MIOS: variants seen among roughly 807,000 people sequenced by gnomAD.
The protein encoded by MIOS is GATOR2 complex protein MIOS.
A neutral mutation model predicts 96.9 loss-of-function variants in MIOS; 52 were observed. The ratio of observed to expected loss-of-function variants is 0.54; its 90% CI spans 0.43 to 0.68. MIOS has a LOEUF of 0.68. Among genes scored for constraint, MIOS ranks in the 30% least tolerant of loss-of-function variants. MIOS has a pLI of 0.00. For missense variants in MIOS, 1,005 were observed against 1,052.8 expected (o/e 0.95, Z 0.63); for synonymous variants, 397 against 359.5 (o/e 1.10, Z -1.18).
At chr7:7,581,172 A>G (rs1198358356) in intron 5 of MIOS, among the ~76,000 whole-genome samples, 1 of 151,372 alleles carries the variant, frequency 6.6e-6, no homozygotes, top group African/African-American at 2.4e-5. Context: ...AAATACAAAA[A>G]TTAGCCGGGT....
At chr7:7,593,879 C>CAA (rs35986278) in intron 9 of MIOS, among the ~76,000 whole-genome samples, 2,076 of 47,410 alleles carry the variant, frequency 0.044, 137 homozygotes, top group African/African-American at 0.13. Flanking sequence ...ACTCTGTCTC[C>CAA]AAAAAAAAAA....
chr7:7,582,017 C>T (rs957331472), intron 5 of MIOS, among the ~76,000 whole-genome samples: 3 of 2,108 alleles, frequency 1.4e-3, no homozygotes, highest in African/African-American at 6.0e-3. Flanking sequence ...GTTGGCGGGG[C>T]GGGAGGGCGG....
intron 9 of MIOS, 118 bp from the exon 10 acceptor site, chr7:7,594,862 C>CAAAAAAA (rs58139181): frequency 1.1e-5 from 4 of 377,392 alleles, no homozygotes; most frequent in African/African-American, 2.3e-5. Flanking sequence ...CAGCTTTTGG[C>CAAAAAAA]AAAAAAAAAA....
At chr7:7,598,583 T>G (rs759914966) in intron 11 of MIOS, among the ~76,000 whole-genome samples, 1 of 148,508 alleles carries the variant, frequency 6.7e-6, no homozygotes, top group Non-Finnish European at 1.5e-5. Flanking sequence ...CAATGAGAGC[T>G]CGAGGTAAAA....
Position 7,607,037 on chromosome 7 carries a change from G to T in MIOS, c.2573G>T (p.Cys858Phe). Residue 858 changes from cysteine to phenylalanine, a missense_variant, in exon 13 of 13, where the codon TGT becomes TTT. Around this residue, in one of 3 missense-constraint regions of MIOS, gnomAD observed 865 missense variants for 887.9 expected, o/e 0.97. Coordinates refer to ENST00000340080, the MANE Select transcript of MIOS (RefSeq NM_019005.4). Reference sequence around the variant, plus strand: ...CCTGTGTCGGCATGCACGTGTAAATGTATGCAGTTGGATACAACAGGGAAT... The same window carrying T: ...CCTGTGTCGGCATGCACGTGTAAATTTATGCAGTTGGATACAACAGGGAAT... Reference protein sequence around the residue: ...ECPVSACTCKCMQLDTTGNLV... With the variant: ...ECPVSACTCKFMQLDTTGNLV... 2 of 1,613,218 alleles carry T rather than the reference G, an allele frequency of 1.2e-6. No homozygotes were observed. Among genetic ancestry groups the T allele is most frequent in the Non-Finnish European group, 1.7e-6 (2 of 1,179,490 alleles).
chr7:7,584,982 A>G (rs1382721857), intron 6 of MIOS, among the ~76,000 whole-genome samples: 1 of 152,162 alleles, frequency 6.6e-6, no homozygotes, highest in Non-Finnish European at 1.5e-5. Flanking sequence ...GAAAAATTGT[A>G]AGTGTAATAC....
intron 11 of MIOS, among the ~76,000 whole-genome samples, chr7:7,603,097 G>C (rs1183856624): frequency 6.6e-6 from 1 of 152,110 alleles, no homozygotes; most frequent in Admixed American, 6.6e-5. Context: ...TTAAACGTTA[G>C]ACCTAAAACC....
In MIOS at chr7:7,573,629, C is replaced by G; in HGVS notation, c.1154C>G (p.Ser385Cys). The G allele has an allele frequency of 1.2e-6, 2 of 1,613,942 alleles. No homozygotes were observed. The highest frequency in any genetic ancestry group is 8.5e-7 in the Non-Finnish European group (1 of 1,179,914). ...TGTACGGAAGAAGAAAATGATAATTCTTTAGAAAAAGATATAGCAACGAAG... is the reference window on the plus strand; with the variant it reads ...TGTACGGAAGAAGAAAATGATAATTGTTTAGAAAAAGATATAGCAACGAAG... ...YECTEEENDN[S>C]LEKDIATKMR... is the part of the protein sequence containing the mutation. The change falls in exon 4 of 13, where the codon TCT becomes TGT. Residue 385 changes from serine to cysteine, a missense_variant. Transcript: ENST00000340080. This position sits in a 1 kb window ranked among gnomAD's most constrained non-coding sequence, Gnocchi z 5.0.
intron 6 of MIOS, among the ~76,000 whole-genome samples, chr7:7,584,915 CT>C (rs1783838098): frequency 6.6e-6 from 1 of 152,124 alleles, no homozygotes; most frequent in African/African-American, 2.4e-5. Context: ...CAAATGCTTT[CT>C]TGCAAATGGG....
In MIOS at chr7:7,589,515, T is replaced by C. The variant is rs1226231265; in HGVS notation, c.1995T>C (p.Tyr665=). 4 of 1,613,412 alleles carry C rather than the reference T, an allele frequency of 2.5e-6. No individual in the cohort carries two copies. The highest frequency in any genetic ancestry group is 1.7e-5 in the Admixed American group (1 of 60,026). ...ATGGAGTGGACTTAATGGAGAGTTA[T>C]GTTGATAGAACTGGAGATGTTCAAA... ...TKDGVDLMES[Y]VDRTGDVQTA... The change falls in exon 9 of 13, where the codon TAT becomes TAC. Residue 665 remains tyrosine (Y), a synonymous_variant. Transcript: ENST00000340080.
intron 11 of MIOS, chr7:7,605,242 T>A (rs536296960): frequency 5.9e-5 from 9 of 152,150 alleles, no homozygotes; most frequent in Non-Finnish European, 1.2e-4. Context: ...AACTTTCTGC[T>A]TTTTCTCTTC....
At chr7:7,571,450 G>C (rs1279144675) in intron 3 of MIOS, among the ~76,000 whole-genome samples, 1 of 152,126 alleles carries the variant, frequency 6.6e-6, no homozygotes, top group East Asian at 1.9e-4. Flanking sequence ...ATGCTTTGTA[G>C]ATAAAACACA....
At chr7:7,604,742 C>G (rs1784477442) in intron 11 of MIOS, among the ~76,000 whole-genome samples, 1 of 152,120 alleles carries the variant, frequency 6.6e-6, no homozygotes, top group African/African-American at 2.4e-5. Flanking sequence ...TGAGATAGAC[C>G]TTAATACTTC....
intron 9 of MIOS, among the ~76,000 whole-genome samples, chr7:7,591,019 TTTA>T (rs1282171410): frequency 3.3e-5 from 5 of 152,198 alleles, no homozygotes; most frequent in Non-Finnish European, 7.3e-5. Context: ...TCATTTGTCT[TTTA>T]TGTAAATTAT....
chr7:7,606,872 G>A (rs1479271629), intron 12 of MIOS, 124 bp from the exon 13 acceptor site: 16 of 722,230 alleles, frequency 2.2e-5, no homozygotes, highest in South Asian at 1.0e-4. Context: ...GATCACTTGA[G>A]CCCAAAAGTG....
chr7:7,568,137 T>C lies in MIOS; in HGVS notation c.-41+14T>C, dbSNP rs1422836696. ...TAAACTTGAAAGGTGAGGATATAAA[T>C]ACAAGCTGTAATTATTGCAGACCGC... On this transcript the variant is annotated intron_variant, in intron 3 of 12. Coordinates refer to ENST00000340080, the MANE Select transcript of MIOS (RefSeq NM_019005.4). 1 of 152,172 alleles carries C rather than the reference T, an allele frequency of 6.6e-6. No homozygotes were observed. Among genetic ancestry groups the C allele is most frequent in the East Asian group, 1.9e-4 (1 of 5,198 alleles). The allele number at this position is 152,172 out of a possible 1,614,324, so 9.4% of individuals were successfully genotyped here. A position where few individuals can be genotyped will look rare whatever the true frequency, so the allele number is the denominator to read the frequency against.
intron 6 of MIOS, 36 bp downstream of exon 6, chr7:7,583,408 T>A: frequency 2.6e-6 from 4 of 1,513,418 alleles, no homozygotes; most frequent in Non-Finnish European, 3.5e-6. Flanking sequence ...AGTTATAATC[T>A]AAGATGTTAG....
chr7:7,607,790 C>G lies in MIOS; in HGVS notation c.*698C>G, dbSNP rs184646747. 6.6e-6 allele frequency: 1 copy of G among 152,060 alleles called. No individual in the cohort carries two copies. Among genetic ancestry groups the G allele is most frequent in the Non-Finnish European group, 1.5e-5 (1 of 68,000 alleles). The allele number at this position is 152,060 out of a possible 1,614,324, so 9.4% of individuals were successfully genotyped here. The stretch of plus-strand genomic sequence containing the variant: ...TGAAGAATCTATCTTACAACTTTTT[C>G]TCTTCAGTAGAGAAAAACATGTACC... On this transcript the variant is annotated 3_prime_UTR_variant, in exon 13 of 13. Transcript: ENST00000340080.
intron 8 of MIOS, 86 bp downstream of exon 8, chr7:7,588,649 G>A (rs1379721826): frequency 1.4e-6 from 1 of 710,894 alleles, no homozygotes; most frequent in South Asian, 3.4e-5. Context: ...AATTACATAT[G>A]TATGAGATTG....
Sources: gnomAD v4.1 joint callset for allele counts (sites outside exome capture counted in the v4.1 genomes callset) on GRCh38, gnomAD v4.1.1 for gene constraint, gnomAD v4.1.1 regional missense constraint, Gnocchi (gnomAD v3.1) non-coding constraint, MANE v1.5 for transcripts, NCBI Gene and HGNC (gene_info 2026-07-23, HGNC 2026-07-21) for gene names.